PLCL2: variants seen among roughly 807,000 people sequenced by gnomAD.
PLCL2 encodes inactive phospholipase C-like protein 2.
Under a neutral mutation model 79.6 loss-of-function variants are expected in PLCL2, and 4 were observed. The ratio of observed to expected loss-of-function variants is 0.05; its 90% confidence interval spans 0.02 to 0.11. The LOEUF (loss-of-function observed/expected upper bound fraction) is 0.11. PLCL2 is among the 10% of genes least tolerant of loss of function. The probability of loss-of-function intolerance (pLI) is 1.00; values close to 1 mark genes in which losing one functional copy is unlikely to be tolerated. For synonymous variants in PLCL2, 484 were observed against 457.7 expected (o/e 1.06, Z -0.73); for missense variants, 895 against 1,291.0 (o/e 0.69, Z 4.70).
intron 1 of PLCL2, among the ~76,000 whole-genome samples, chr3:16,925,086 G>T (rs140767865): frequency 5.3e-5 from 8 of 151,766 alleles, no homozygotes; most frequent in Non-Finnish European, 8.8e-5. Context: ...ATCATGCCCC[G>T]CTAATTTTTT....
chr3:16,999,335 A>T lies in PLCL2; in HGVS notation c.328-10339A>T, dbSNP rs554804004. On this transcript the variant is annotated intron_variant, in intron 1 of 5. Transcript: ENST00000615277. ...TTCATTCTGTTTCTTCTGTGATAGGATTATCTTTCAACAAATCCTAAGTGT... is the reference window on the plus strand; with the variant it reads ...TTCATTCTGTTTCTTCTGTGATAGGTTTATCTTTCAACAAATCCTAAGTGT... Among the ~76,000 whole-genome samples, 8 of 152,248 alleles carry T rather than the reference A, an allele frequency of 5.3e-5. No homozygotes were observed. The East Asian group carries it at 1.5e-3, about 29-fold the overall frequency.
chr3:17,035,468 C>T (rs886513668), intron 3 of PLCL2, among the ~76,000 whole-genome samples: 4 of 152,144 alleles, frequency 2.6e-5, no homozygotes, highest in Admixed American at 2.0e-4. Context: ...GCAAATCAGC[C>T]TTGGAGTCCT....
chr3:17,062,575 T>G (rs1392673546), intron 4 of PLCL2, among the ~76,000 whole-genome samples: 1 of 152,212 alleles, frequency 6.6e-6, no homozygotes, highest in Non-Finnish European at 1.5e-5. Flanking sequence ...AAGCCATACT[T>G]TATTTGAGAC....
intron 3 of PLCL2, among the ~76,000 whole-genome samples, chr3:17,015,960 T>C (rs2064379008): frequency 6.6e-6 from 1 of 152,146 alleles, no homozygotes; most frequent in Non-Finnish European, 1.5e-5. Flanking sequence ...TTAGTAAATA[T>C]CACATAGGGG....
chr3:16,931,088 G>A (rs1697381819), intron 1 of PLCL2, among the ~76,000 whole-genome samples: 1 of 151,756 alleles, frequency 6.6e-6, no homozygotes, highest in South Asian at 2.1e-4. Context: ...CTACATCCTT[G>A]GCAAGCCATT....
At position 16,947,453 on chromosome 3, in the gene PLCL2, T is replaced by A. The variant is rs2063613306; in HGVS notation, c.327+62087T>A. Among the ~76,000 whole-genome samples the A allele has an allele frequency of 2.0e-5, 3 of 152,184 alleles. No individual in the cohort carries two copies. In the South Asian group the frequency reaches 6.2e-4, roughly 31 times the overall value. On this transcript the variant is annotated intron_variant, in intron 1 of 5. Transcript: ENST00000615277. ...GGGCTGGAGGAATAATGATTCCTAC[T>A]GCGACTGTCAGAAAGAAAGGCCCAT...
At chr3:16,929,721 A>G (rs1174282144) in intron 1 of PLCL2, among the ~76,000 whole-genome samples, 1 of 152,180 alleles carries the variant, frequency 6.6e-6, no homozygotes, top group Non-Finnish European at 1.5e-5. Context: ...GGCCTGGGGA[A>G]GTTGAGTCCT....
intron 1 of PLCL2, among the ~76,000 whole-genome samples, chr3:16,956,017 G>T (rs913121588): frequency 2.8e-4 from 43 of 151,424 alleles, no homozygotes; most frequent in African/African-American, 4.1e-4. Flanking sequence ...GAATACCCTT[G>T]ATTTCCTTCT....
intron 1 of PLCL2, among the ~76,000 whole-genome samples, chr3:17,008,186 T>C (rs2064282342): frequency 6.6e-6 from 1 of 151,842 alleles, no homozygotes; most frequent in Non-Finnish European, 1.5e-5. Context: ...GTGACATTGT[T>C]CTGAGCATTG....
At chr3:17,003,225 T>G (rs1478288493) in intron 1 of PLCL2, among the ~76,000 whole-genome samples, 1 of 152,224 alleles carries the variant, frequency 6.6e-6, no homozygotes. Context: ...TAATAGAGAC[T>G]GAAGTAAATG....
intron 3 of PLCL2, among the ~76,000 whole-genome samples, chr3:17,020,987 G>T (rs920481883): frequency 6.6e-6 from 1 of 152,118 alleles, no homozygotes. Context: ...GAGATGATCT[G>T]TAATAAGGTT....
intron 1 of PLCL2, among the ~76,000 whole-genome samples, chr3:17,002,528 T>C (rs2125003162): frequency 6.6e-6 from 1 of 152,322 alleles, no homozygotes; most frequent in African/African-American, 2.4e-5. Context: ...CTTTCTTTTT[T>C]CTTTGGCTGC....
chr3:17,013,176 G>A (rs1261299460), intron 2 of PLCL2, among the ~76,000 whole-genome samples: 2 of 152,144 alleles, frequency 1.3e-5, no homozygotes, highest in Non-Finnish European at 1.5e-5. Flanking sequence ...CTGAGCAAGC[G>A]CATTGTCCAC....
chr3:17,088,845 A>C (rs374127182), intron 5 of PLCL2, among the ~76,000 whole-genome samples: 15 of 152,336 alleles, frequency 9.8e-5, no homozygotes, highest in African/African-American at 3.1e-4. Context: ...CCAGACTCCC[A>C]GTGACTGTGC....
At chr3:17,036,938 C>T (rs4289331) in intron 3 of PLCL2, among the ~76,000 whole-genome samples, 27,476 of 152,010 alleles carry the variant, frequency 0.18, 3,026 homozygotes, top group East Asian at 0.54. Flanking sequence ...GACCTTAATC[C>T]CATTGACTAG....
chr3:16,938,458 G>A (rs1384483557), intron 1 of PLCL2, among the ~76,000 whole-genome samples: 1 of 152,096 alleles, frequency 6.6e-6, no homozygotes, highest in Non-Finnish European at 1.5e-5. Flanking sequence ...TTGTATCTGC[G>A]GTGGGAGTTG....
intron 1 of PLCL2, among the ~76,000 whole-genome samples, chr3:17,008,031 G>A (rs2064280921): frequency 3.3e-5 from 5 of 152,164 alleles, no homozygotes; most frequent in Admixed American, 2.0e-4. Flanking sequence ...AGATGTGGAT[G>A]TCAGCCCCTT....
chr3:17,042,113 T>C (rs2064728513), intron 3 of PLCL2, among the ~76,000 whole-genome samples: 1 of 152,220 alleles, frequency 6.6e-6, no homozygotes, highest in Non-Finnish European at 1.5e-5. Flanking sequence ...ATCATAATTG[T>C]ACCCATTTGA....
intron 1 of PLCL2, among the ~76,000 whole-genome samples, chr3:16,948,557 A>G (rs568019967): frequency 2.6e-5 from 4 of 152,346 alleles, no homozygotes; most frequent in Admixed American, 2.0e-4. Flanking sequence ...ATTGTTTTTA[A>G]AAAGCATTTC....
Sources: gnomAD v4.1 joint callset for allele counts (sites outside exome capture counted in the v4.1 genomes callset) on GRCh38, gnomAD v4.1.1 for gene constraint, MANE v1.5 for transcripts, NCBI Gene and HGNC (gene_info 2026-07-23, HGNC 2026-07-21) for gene names.